The following SOS2 variants were observed in gnomAD, a reference collection of about 807,000 sequenced individuals.
The protein encoded by SOS2 is SOS Ras/Rho guanine nucleotide exchange factor 2, also known as son of sevenless homolog 2.
Under a neutral mutation model 148.2 loss-of-function variants are expected in SOS2, and 65 were observed. The ratio of observed to expected loss-of-function variants is 0.44; its 90% CI spans 0.36 to 0.54. The LOEUF is 0.54. Among genes scored for constraint, SOS2 ranks in the 20% least tolerant of loss-of-function variants. The probability of loss-of-function intolerance (pLI) is 0.00; values close to 1 mark genes in which losing one functional copy is unlikely to be tolerated. For synonymous variants in SOS2, 539 were observed against 537.1 expected, an observed-to-expected ratio of 1.00 and a Z score of -0.05; for missense variants, 1,341 against 1,590.2, an observed-to-expected ratio of 0.84 and a Z score of 2.67.
intron 9 of SOS2, among the ~76,000 whole-genome samples, chr14:50,161,003 C>T (rs1019618706): frequency 6.9e-6 from 1 of 144,884 alleles, no homozygotes; most frequent in African/African-American, 2.6e-5. Context: ...AGAGTGAGAC[C>T]CTGTCTCTTA....
rs186117815 is a variant in SOS2, at chr14:50,161,111, G to C, written c.1196+371C>G. Among the ~76,000 whole-genome samples the C allele has an allele frequency of 1.4e-3, 211 of 152,066 alleles. 1 individual carries two copies. The highest frequency in any genetic ancestry group is 4.7e-3 in the African/African-American group (197 of 41,474). On this transcript the variant is annotated intron_variant, in intron 9 of 22. Transcript: ENST00000216373. The stretch of plus-strand genomic sequence containing the variant: ...AGTTTGAGACCAGTCTGGCCGACGC[G>C]GTAAAACCCCGTCTCTACTAAAAAT...
rs1771835258 is a variant in SOS2 at position 50,162,037 on chromosome 14, CCAG to C, written c.1069-431_1069-429del. The stretch of plus-strand genomic sequence containing the variant: ...GTGCTGGGATTACAGGTATGAGCCA[CCAG>C]TCCTGGCCCAACCTTCTTTCTATAA... On this transcript the variant is annotated intron_variant, in intron 8 of 22. Coordinates refer to ENST00000216373, the MANE Select transcript of SOS2 (RefSeq NM_006939.4). 2.0e-5 allele frequency among the ~76,000 whole-genome samples: 3 copies of C among 152,080 alleles called. No individual in the cohort carries two copies. In the South Asian group the frequency reaches 6.2e-4, roughly 32 times the overall value.
intron 21 of SOS2, among the ~76,000 whole-genome samples, chr14:50,125,497 A>G (rs978818614): frequency 2.0e-5 from 3 of 152,260 alleles, no homozygotes; most frequent in African/African-American, 4.8e-5. Flanking sequence ...CAACAAGAAA[A>G]ATAAGAAATA....
At chr14:50,133,137 A>T (rs1883943471) in intron 19 of SOS2, among the ~76,000 whole-genome samples, 1 of 151,382 alleles carries the variant, frequency 6.6e-6, no homozygotes, top group Non-Finnish European at 1.5e-5. Flanking sequence ...AACTTGAGGA[A>T]GCTTATGTTG....
intron 7 of SOS2, among the ~76,000 whole-genome samples, chr14:50,178,045 G>A (rs1302343669): frequency 6.6e-6 from 1 of 152,162 alleles, no homozygotes; most frequent in Non-Finnish European, 1.5e-5. Context: ...TTGGATAATA[G>A]CTATAATAAT....
intron 8 of SOS2, among the ~76,000 whole-genome samples, chr14:50,162,896 GATT>G (rs1566832760): frequency 1.4e-5 from 2 of 139,848 alleles, no homozygotes; most frequent in Admixed American, 7.1e-5. Flanking sequence ...CCAATGTTTT[GATT>G]TTTTTTTTTT....
chr14:50,145,197 T>C lies in SOS2; in HGVS notation c.2640A>G (p.Ser880=), dbSNP rs146730136. 2.7e-4 allele frequency: 441 copies of C among 1,609,644 alleles called. No homozygotes were observed. The highest frequency in any genetic ancestry group is 3.3e-4 in the Non-Finnish European group (387 of 1,177,628). The change falls in exon 16 of 23, where the codon TCA becomes TCG. Residue 880 remains serine, a synonymous_variant. Coordinates refer to ENST00000216373, the MANE Select transcript of SOS2 (RefSeq NM_006939.4). ...CAAAGGTATGGTCTAGTCTGTATAC[T>C]GACACTGAATTTACTGCACTGACTA... ...LEIVSAVNSV[S]VYRLDHTFEA... is the part of the protein sequence containing the mutation.
chr14:50,147,064 A>G (rs4632055), intron 14 of SOS2, among the ~76,000 whole-genome samples: 44,566 of 151,148 alleles, frequency 0.29, 7,754 homozygotes, highest in Non-Finnish European at 0.4. Context: ...CAGGCACAGT[A>G]GTTCCTCCCT....
intron 21 of SOS2, among the ~76,000 whole-genome samples, chr14:50,124,561 G>T (rs1396228433): frequency 6.6e-6 from 1 of 152,082 alleles, no homozygotes; most frequent in East Asian, 1.9e-4. Flanking sequence ...GATTCCAAAA[G>T]GGTTATACTA....
chr14:50,166,196 T>C (rs1425602155), intron 8 of SOS2, among the ~76,000 whole-genome samples: 2 of 152,252 alleles, frequency 1.3e-5, no homozygotes, highest in South Asian at 4.1e-4. Context: ...AAATTAAAAA[T>C]AAAAGTGATT....
intron 7 of SOS2, among the ~76,000 whole-genome samples, chr14:50,178,707 T>C (rs57776023): frequency 0.82 from 107,696 of 130,562 alleles, 44,220 homozygotes; most frequent in East Asian, 0.89. Context: ...TATATATATA[T>C]ATATACACAC....
At chr14:50,224,503 G>A (rs2139868090) in intron 1 of SOS2, among the ~76,000 whole-genome samples, 1 of 152,086 alleles carries the variant, frequency 6.6e-6, no homozygotes, top group Admixed American at 6.6e-5. Context: ...GAAGCCAAAT[G>A]AAGAAAGGAT....
At chr14:50,147,383 G>A (rs113727997) in intron 14 of SOS2, among the ~76,000 whole-genome samples, 8 of 151,592 alleles carry the variant, frequency 5.3e-5, no homozygotes, top group East Asian at 1.9e-4. Context: ...ATGGTGGTGC[G>A]TGCCTGTAGT....
At chr14:50,129,370 T>TTTTG (rs759770180) in intron 21 of SOS2, among the ~76,000 whole-genome samples, 11 of 152,114 alleles carry the variant, frequency 7.2e-5, no homozygotes, top group African/African-American at 1.2e-4. Context: ...GATGGTGTTT[T>TTTTG]TTTGTTTGTT....
intron 1 of SOS2, among the ~76,000 whole-genome samples, chr14:50,217,140 G>T (rs1887061069): frequency 6.6e-6 from 1 of 152,044 alleles, no homozygotes; most frequent in Non-Finnish European, 1.5e-5. Flanking sequence ...AGAGAATCCA[G>T]AAATAAAACC....
chr14:50,208,923 G>T (rs1004529785), intron 1 of SOS2, among the ~76,000 whole-genome samples: 4 of 152,092 alleles, frequency 2.6e-5, no homozygotes, highest in African/African-American at 9.7e-5. Flanking sequence ...ACTATTTCTG[G>T]GTATGTCTGT....
intron 1 of SOS2, among the ~76,000 whole-genome samples, chr14:50,221,969 CTT>C (rs1887217916): frequency 6.6e-6 from 1 of 151,826 alleles, no homozygotes; most frequent in African/African-American, 2.4e-5. Flanking sequence ...CGATTAAAGA[CTT>C]AAATCTAAAA....
At chr14:50,172,874 T>C (rs1458310203) in intron 8 of SOS2, among the ~76,000 whole-genome samples, 1 of 152,198 alleles carries the variant, frequency 6.6e-6, no homozygotes, top group Non-Finnish European at 1.5e-5. Flanking sequence ...GACAATCCAT[T>C]CATTTCTCTC....
chr14:50,140,119 C>T, intron 16 of SOS2, 60 bp from the exon 17 acceptor site: 2 of 853,252 alleles, frequency 2.3e-6, no homozygotes, highest in South Asian at 1.8e-5. Context: ...TTTATAAATG[C>T]AAACCTTTAA....
Sources: allele counts gnomAD v4.1 joint callset (sites outside exome capture counted in the v4.1 genomes callset), GRCh38; gene constraint gnomAD v4.1.1; transcripts MANE v1.5; gene names NCBI Gene and HGNC (gene_info 2026-07-23, HGNC 2026-07-21).